The following POU2AF1 variants were observed in gnomAD, a reference collection of about 807,000 sequenced individuals.
The protein encoded by POU2AF1 is POU domain class 2-associating factor 1.
Under a neutral mutation model 26.3 loss-of-function variants are expected in POU2AF1, and 12 were observed. The observed-to-expected ratio is 0.46, with a 90% CI of 0.29 to 0.74. POU2AF1 has a LOEUF of 0.74. Ranked by LOEUF, POU2AF1 falls within the 30% of genes least tolerant of loss-of-function variation. The probability of loss-of-function intolerance (pLI) is 0.09; values close to 1 mark genes in which losing one functional copy is unlikely to be tolerated. For synonymous variants in POU2AF1, 175 were observed against 148.0 expected, an observed-to-expected ratio of 1.18 and a Z score of -1.32; for missense variants, 297 against 334.5, an observed-to-expected ratio of 0.89 and a Z score of 0.87.
At chr11:111,365,332 T>A (rs980575697) in intron 1 of POU2AF1, among the ~76,000 whole-genome samples, 10 of 152,216 alleles carry the variant, frequency 6.6e-5, no homozygotes, top group Admixed American at 3.3e-4. Flanking sequence ...GTATCAAGCC[T>A]GAGAAAGAAG....
At chr11:111,373,050 A>G (rs1346914306) in intron 1 of POU2AF1, among the ~76,000 whole-genome samples, 2 of 152,106 alleles carry the variant, frequency 1.3e-5, no homozygotes, top group Non-Finnish European at 2.9e-5. Context: ...GCACTGTGAG[A>G]CTCCATAAGA....
chr11:111,354,461 G>A lies in POU2AF1; in HGVS notation c.571C>T (p.Leu191=), dbSNP rs376800076. Residue 191 remains leucine (L), a synonymous_variant, in exon 5 of 5, where the codon CTG becomes TTG. Transcript: ENST00000393067. ...QPLSTLPTST[L]QYQPPAPALP... ...GCTGGGGCCGGAGGCTGGTACTGCA[G>A]GGTGGAGGTGGGTAGTGTGGAAAGG... The A allele has an allele frequency of 1.2e-6, 2 of 1,612,836 alleles. No individual in the cohort carries two copies. The highest frequency in any genetic ancestry group is 2.7e-5 in the African/African-American group (2 of 74,840).
intron 4 of POU2AF1, among the ~76,000 whole-genome samples, chr11:111,355,507 C>T (rs1172491121): frequency 6.6e-6 from 1 of 152,168 alleles, no homozygotes; most frequent in African/African-American, 2.4e-5. Flanking sequence ...ATCCCTGTCT[C>T]CCCTGTCATA....
intron 1 of POU2AF1, among the ~76,000 whole-genome samples, chr11:111,375,210 CTGTCCAATTTGT>C (rs1251868797): frequency 6.6e-6 from 1 of 152,098 alleles, no homozygotes; most frequent in African/African-American, 2.4e-5. Flanking sequence ...TAAAAAGCAA[CTGTCCAATTTGT>C]TCACTTTCTA....
intron 1 of POU2AF1, among the ~76,000 whole-genome samples, chr11:111,362,586 T>A (rs61896828): frequency 1.3e-5 from 2 of 152,228 alleles, no homozygotes; most frequent in African/African-American, 4.8e-5. Context: ...TGTGCCTGGC[T>A]TATTCCCTTC....
At chr11:111,356,606 T>C (rs1777589335) in intron 4 of POU2AF1, among the ~76,000 whole-genome samples, 1 of 152,246 alleles carries the variant, frequency 6.6e-6, no homozygotes, top group South Asian at 2.1e-4. Context: ...TTCCCAGTCC[T>C]TTAGTCGAAC....
chr11:111,367,301 C>T (rs915680641), intron 1 of POU2AF1, among the ~76,000 whole-genome samples: 7 of 152,140 alleles, frequency 4.6e-5, no homozygotes, highest in Non-Finnish European at 1.0e-4. Flanking sequence ...CCATGTGTTT[C>T]CTGGTCACAT....
At chr11:111,376,546 C>T (rs1164567108) in intron 1 of POU2AF1, among the ~76,000 whole-genome samples, 1 of 152,194 alleles carries the variant, frequency 6.6e-6, no homozygotes, top group Non-Finnish European at 1.5e-5. Flanking sequence ...TCACTTTATG[C>T]TCTAATCTTA....
chr11:111,377,914 C>T (rs964250692), intron 1 of POU2AF1: 1 of 177,782 alleles, frequency 5.6e-6, no homozygotes, highest in Admixed American at 6.3e-5. Context: ...GGAAGGAGTC[C>T]ATAACTCTCA....
chr11:111,378,788 G>C (rs1861361759), intron 1 of POU2AF1, among the ~76,000 whole-genome samples: 1 of 152,314 alleles, frequency 6.6e-6, no homozygotes, highest in East Asian at 1.9e-4. Context: ...CTCCTGTAAA[G>C]AACTGCATGG....
intron 4 of POU2AF1, 133 bp from the exon 5 acceptor site, chr11:111,354,708 C>T (rs1329078527): frequency 1.3e-6 from 1 of 792,084 alleles, no homozygotes; most frequent in African/African-American, 1.8e-5. Flanking sequence ...TGGGGCTCCA[C>T]CTCCTCCTGC....
rs541775285 is a variant in POU2AF1 at position 111,361,964 on chromosome 11, A to T, written c.17-3046T>A. Among the ~76,000 whole-genome samples, 8 of 152,262 alleles carry T rather than the reference A, an allele frequency of 5.3e-5. No homozygotes were observed. In the South Asian group the frequency reaches 1.7e-3, roughly 32 times the overall value. ...TCATTCCTTCAGCTATTTCTAAATG[A>T]CATGGTTTTAGTCTCCCCACCTTCC... is the stretch of plus-strand genomic sequence containing the variant. On this transcript the variant is annotated intron_variant, in intron 1 of 4. Coordinates refer to ENST00000393067, the MANE Select transcript of POU2AF1 (RefSeq NM_006235.3).
At chr11:111,356,250 C>A (rs1860843800) in intron 4 of POU2AF1, among the ~76,000 whole-genome samples, 1 of 152,236 alleles carries the variant, frequency 6.6e-6, no homozygotes, top group Non-Finnish European at 1.5e-5. Context: ...TCACCCCAGG[C>A]CTCTGACATG....
intron 1 of POU2AF1, among the ~76,000 whole-genome samples, chr11:111,372,053 C>CAGAGAGAG (rs1452632987): frequency 1.2e-4 from 15 of 128,094 alleles, no homozygotes; most frequent in African/African-American, 4.1e-4. Flanking sequence ...CACACACACA[C>CAGAGAGAG]ACACACACAC....
At position 111,356,452 on chromosome 11, in the gene POU2AF1, G is replaced by C. The variant is rs148116369; in HGVS notation, c.456+993C>G. On this transcript the variant is annotated intron_variant, in intron 4 of 4. Coordinates refer to ENST00000393067, the MANE Select transcript of POU2AF1 (RefSeq NM_006235.3). The stretch of plus-strand genomic sequence containing the variant: ...CTGGACCCTGGAGGGAAATGGAAGA[G>C]ACAAGGTGGACCAAAGCAAGCACCA... Among the ~76,000 whole-genome samples, 985 of 152,326 alleles carry C rather than the reference G, an allele frequency of 6.5e-3. 3 individuals are homozygous for C. The highest frequency in any genetic ancestry group is 0.011 in the Non-Finnish European group (778 of 68,024).
chr11:111,352,964 A>AG lies in POU2AF1; in HGVS notation c.*1296dup, dbSNP rs1448582742. ...AACCAAAAAAAAGAAAGAAAGAGAG[A>AG]GGAAGGAAGGAAGGAAGGAAGGAAG... On this transcript the variant is annotated 3_prime_UTR_variant, in exon 5 of 5. Coordinates refer to ENST00000393067, the MANE Select transcript of POU2AF1 (RefSeq NM_006235.3). The AG allele has an allele frequency of 2.6e-5, 1 of 39,120 alleles. No individual in the cohort carries two copies. The highest frequency in any genetic ancestry group is 1.8e-4 in the East Asian group (1 of 5,502). 2.4% of individuals were successfully genotyped at this position (39,120 alleles called of 1,614,324 possible).
chr11:111,379,235 G>A lies in POU2AF1; in HGVS notation c.-58C>T, dbSNP rs1861375344. On this transcript the variant is annotated 5_prime_UTR_variant, in exon 1 of 5. Transcript: ENST00000393067. ...AAGCCGACAGTTTGGCTTCTTTAAT[G>A]TGAGACCGGGGTGTGTTTTCCTCCA... The A allele has an allele frequency of 6.2e-7, 1 of 1,609,154 alleles. No homozygotes were observed.
Position 111,354,183 on chromosome 11 carries a change from A to C in POU2AF1, c.*78T>G. ...AGTCATGAAATGACTACTCCAAACA[A>C]GCATGAACCTGGGGCTCAATTCCAG... On this transcript the variant is annotated 3_prime_UTR_variant, in exon 5 of 5. Transcript: ENST00000393067. 6.7e-7 allele frequency: 1 copy of C among 1,495,336 alleles called. No individual in the cohort carries two copies. The highest frequency in any genetic ancestry group is 9.2e-7 in the Non-Finnish European group (1 of 1,090,684). The allele number at this position is 1,495,336 out of a possible 1,614,324, so 92.6% of individuals were successfully genotyped here. A position where few individuals can be genotyped will look rare whatever the true frequency, so the allele number is the denominator to read the frequency against.
intron 1 of POU2AF1, chr11:111,363,444 G>C: frequency 9.9e-7 from 1 of 1,012,788 alleles, no homozygotes; most frequent in East Asian, 6.9e-5. Context: ...CCTATGTGCA[G>C]CAACAATAAA....
Sources: allele counts gnomAD v4.1 joint callset (sites outside exome capture counted in the v4.1 genomes callset), GRCh38; gene constraint gnomAD v4.1.1; transcripts MANE v1.5; gene names NCBI Gene and HGNC (gene_info 2026-07-23, HGNC 2026-07-21).